Variants in MET observed in about 807,000 individuals in gnomAD.
MET encodes MET proto-oncogene, receptor tyrosine kinase.
MET carries 48 observed loss-of-function variants against 133.1 expected under a neutral mutation model. That is an observed-to-expected ratio of 0.36 (90% CI 0.29 to 0.46). The LOEUF is 0.46. Ranked by LOEUF, MET falls within the 20% of genes least tolerant of loss-of-function variation. The pLI is 1.00. For missense variants in MET, 1,442 were observed against 1,695.9 expected (o/e 0.85, Z 2.63); for synonymous variants, 628 against 616.5 (o/e 1.02, Z -0.28).
chr7:116,776,580 A>C (rs1400579016), intron 15 of MET, among the ~76,000 whole-genome samples: 1 of 152,248 alleles, frequency 6.6e-6, no homozygotes, highest in East Asian at 1.9e-4. Context: ...AGGAGCACTC[A>C]AAAGCATAAG....
At chr7:116,716,392 GAA>G (rs375235586) in intron 2 of MET, among the ~76,000 whole-genome samples, 3 of 145,586 alleles carry the variant, frequency 2.1e-5, no homozygotes, top group Middle Eastern at 3.3e-3. Flanking sequence ...AAGAGAGAAA[GAA>G]AGAGAAATAT....
At chr7:116,719,970 C>T (rs1399542264) in intron 2 of MET, among the ~76,000 whole-genome samples, 3 of 151,638 alleles carry the variant, frequency 2.0e-5, no homozygotes, top group Non-Finnish European at 4.4e-5. Flanking sequence ...CTTGGCGATG[C>T]GGGCTCTTTT....
At chr7:116,754,055 A>G (rs947386583) in intron 5 of MET, among the ~76,000 whole-genome samples, 9 of 152,184 alleles carry the variant, frequency 5.9e-5, no homozygotes, top group African/African-American at 2.2e-4. Flanking sequence ...GGATTGCTTG[A>G]GCCCAGGAGT....
chr7:116,745,776 T>A (rs376387602), intron 5 of MET, among the ~76,000 whole-genome samples: 1 of 152,276 alleles, frequency 6.6e-6, no homozygotes, highest in Middle Eastern at 3.4e-3. Context: ...TACAAAAATT[T>A]ATTCAAGATG....
intron 2 of MET, among the ~76,000 whole-genome samples, chr7:116,718,422 A>G (rs1439381016): frequency 6.6e-6 from 1 of 152,064 alleles, no homozygotes; most frequent in Admixed American, 6.5e-5. Flanking sequence ...TTAAAAAATA[A>G]ATAAAATAAA....
chr7:116,739,846 C>A, intron 3 of MET, 104 bp from the exon 4 acceptor site: 1 of 1,525,354 alleles, frequency 6.6e-7, no homozygotes, highest in Non-Finnish European at 9.1e-7. Context: ...TTCAAACACC[C>A]ACAAGCCCTG....
chr7:116,675,151 T>C (rs10271561), intron 1 of MET, among the ~76,000 whole-genome samples: 34,142 of 152,188 alleles, frequency 0.22, 5,697 homozygotes, highest in African/African-American at 0.47. Flanking sequence ...CAGAATCACT[T>C]TGATGATGTG....
intron 2 of MET, among the ~76,000 whole-genome samples, chr7:116,716,676 A>T (rs1256391739): frequency 6.6e-6 from 1 of 152,230 alleles, no homozygotes; most frequent in Non-Finnish European, 1.5e-5. Context: ...TTTGAACATC[A>T]TCAATGGCGT....
intron 2 of MET, among the ~76,000 whole-genome samples, chr7:116,727,518 A>G (rs576043573): frequency 6.6e-6 from 1 of 152,034 alleles, no homozygotes; most frequent in South Asian, 2.1e-4. Flanking sequence ...CTTTGTTACC[A>G]TAGGAGAGAG....
chr7:116,697,396 C>T (rs1797001286), intron 1 of MET, among the ~76,000 whole-genome samples: 1 of 152,086 alleles, frequency 6.6e-6, no homozygotes, highest in African/African-American at 2.4e-5. Context: ...TGTTCTAAGC[C>T]ACCCTGCCTC....
At chr7:116,677,036 T>G (rs1371779101) in intron 1 of MET, among the ~76,000 whole-genome samples, 1 of 151,846 alleles carries the variant, frequency 6.6e-6, no homozygotes, top group African/African-American at 2.4e-5. Flanking sequence ...TTGTTTTGCA[T>G]CCGCCTGGTC....
At chr7:116,782,301 C>T (rs1483116946) in intron 18 of MET, among the ~76,000 whole-genome samples, 1 of 152,186 alleles carries the variant, frequency 6.6e-6, no homozygotes, top group African/African-American at 2.4e-5. Context: ...AAGGATTCTC[C>T]ATAGGGGGTC....
Position 116,731,650 on chromosome 7 carries a change from G to A in MET, c.1201-18G>A. On this transcript the variant is annotated intron_variant, in intron 2 of 20. Coordinates refer to ENST00000397752, the MANE Select transcript of MET (RefSeq NM_000245.4). ...ATGTCTGGATTCACATTAACTCTATGACCATATTTTATTCCAGACACTTCT... is the reference window on the plus strand; with the variant it reads ...ATGTCTGGATTCACATTAACTCTATAACCATATTTTATTCCAGACACTTCT... 1.9e-6 allele frequency: 3 copies of A among 1,613,636 alleles called. No homozygotes were observed. The highest frequency in any genetic ancestry group is 3.3e-5 in the Admixed American group (2 of 59,976).
intron 1 of MET, among the ~76,000 whole-genome samples, chr7:116,689,048 G>C (rs577341637): frequency 1.2e-4 from 18 of 152,188 alleles, no homozygotes; most frequent in Non-Finnish European, 2.4e-4. Context: ...TTTTTAATAA[G>C]CTCATTTATT....
chr7:116,674,576 A>C (rs1796086952), intron 1 of MET, among the ~76,000 whole-genome samples: 1 of 152,236 alleles, frequency 6.6e-6, no homozygotes, highest in African/African-American at 2.4e-5. Context: ...TTTTTCTCAA[A>C]TGTGGTCATC....
rs532124885 is a variant in MET at position 116,731,791 on chromosome 7, A to G, written c.1324A>G (p.Ile442Val). 2 of 1,614,120 alleles carry G rather than the reference A, an allele frequency of 1.2e-6. No individual in the cohort carries two copies. The highest frequency in any genetic ancestry group is 2.2e-5 in the East Asian group (1 of 44,894). ...GQFSEVLLTS[I>V]STFIKGDLTI... ...ATTCAGCGAAGTCCTCTTAACATCT[A>G]TATCCACCTTCATTAAAGGAGACCT... The change falls in exon 3 of 21, where the codon ATA becomes GTA. Residue 442 changes from isoleucine (I) to valine (V), a missense_variant. Physicochemically the swap from Ile to Val is conservative, Grantham distance 29. Coordinates refer to ENST00000397752, the MANE Select transcript of MET (RefSeq NM_000245.4).
intron 1 of MET, among the ~76,000 whole-genome samples, chr7:116,673,860 A>C (rs755734829): frequency 1.2e-4 from 19 of 152,184 alleles, no homozygotes; most frequent in Non-Finnish European, 2.6e-4. Flanking sequence ...TCCATAATGG[A>C]ACATAAGTGA....
chr7:116,711,852 T>G (rs1584890434), intron 2 of MET, among the ~76,000 whole-genome samples: 1 of 152,206 alleles, frequency 6.6e-6, no homozygotes, highest in African/African-American at 2.4e-5. Context: ...CTGGTCCTCC[T>G]TCACGCCCAG....
At chr7:116,720,330 G>T (rs1792431086) in intron 2 of MET, among the ~76,000 whole-genome samples, 1 of 140,196 alleles carries the variant, frequency 7.1e-6, no homozygotes, top group Non-Finnish European at 1.5e-5. Context: ...TTTGTACATT[G>T]ATTTTGTATC....
Sources: gnomAD v4.1 joint callset for allele counts (sites outside exome capture counted in the v4.1 genomes callset) on GRCh38, gnomAD v4.1.1 for gene constraint, MANE v1.5 for transcripts, NCBI Gene and HGNC (gene_info 2026-07-23, HGNC 2026-07-21) for gene names.